Variants in NUP155 observed in about 807,000 individuals in gnomAD.
The protein encoded by NUP155 is nucleoporin 155, also known as nuclear pore complex protein Nup155.
A neutral mutation model predicts 180.4 loss-of-function variants in NUP155; 71 were observed. The observed-to-expected ratio is 0.39, with a 90% CI of 0.33 to 0.48. NUP155 has a LOEUF of 0.48. Among genes scored for constraint, NUP155 ranks in the 20% least tolerant of loss-of-function variants. The probability of loss-of-function intolerance (pLI) is 0.91; values close to 1 mark genes in which losing one functional copy is unlikely to be tolerated. For synonymous variants in NUP155, 582 were observed against 559.5 expected (o/e 1.04, Z -0.57); for missense variants, 1,553 against 1,648.9 (o/e 0.94, Z 1.01).
In NUP155 at chr5:37,323,977, CCT is replaced by C; in HGVS notation, c.2207+13_2207+14del. 1 of 1,436,652 alleles carries C rather than the reference CCT, an allele frequency of 7.0e-7. No individual in the cohort carries two copies. The highest frequency in any genetic ancestry group is 1.7e-5 in the Admixed American group (1 of 59,720). 89.0% of individuals were successfully genotyped at this position (1,436,652 alleles called of 1,614,324 possible). A position where few individuals can be genotyped will look rare whatever the true frequency, so the allele number is the denominator to read the frequency against. Reference sequence around the variant, plus strand: ...AAAAGAAAAAGATGAATTAATAAACCCTATTTATTCTTACTTTGGATTTCCTA... The same window carrying C: ...AAAAGAAAAAGATGAATTAATAAACCATTTATTCTTACTTTGGATTTCCTA... On this transcript the variant is annotated intron_variant, in intron 20 of 34. Transcript: ENST00000231498.
At chr5:37,339,447 G>A (rs1383934352) in intron 11 of NUP155, among the ~76,000 whole-genome samples, 3 of 152,104 alleles carry the variant, frequency 2.0e-5, no homozygotes, top group South Asian at 4.1e-4. Context: ...GGGAAACATG[G>A]TGAAACCCCG....
rs774380177 is a variant in NUP155, at chr5:37,310,632, C to T, written c.2548G>A (p.Ala850Thr). Residue 850 changes from alanine to threonine, a missense_variant, in exon 23 of 35, where the codon GCC becomes ACC. Physicochemically the swap from Ala to Thr is moderately conservative, Grantham distance 58. Coordinates refer to ENST00000231498, the MANE Select transcript of NUP155 (RefSeq NM_153485.3). ...TGTAAACTAATGCCATCAACAGCGG[C>T]ATTATCTCTGATGTAGCAGTTGATA... is the stretch of plus-strand genomic sequence containing the variant. ...SLINCYIRDN[A>T]AVDGISLHLQ... is the part of the protein sequence containing the mutation. 5.0e-6 allele frequency: 8 copies of T among 1,613,728 alleles called. No homozygotes were observed. The highest frequency in any genetic ancestry group is 5.9e-6 in the Non-Finnish European group (7 of 1,179,768).
In NUP155 at chr5:37,325,984, T is replaced by G. The variant is rs558065984; in HGVS notation, c.2025-17A>C. On this transcript the variant is annotated splice_polypyrimidine_tract_variant and intron_variant, in intron 18 of 34. Coordinates refer to ENST00000231498, the MANE Select transcript of NUP155 (RefSeq NM_153485.3). ...CAAATGTTTCTGGAAAAAAAAAAGT[T>G]TTAATGATTGTGCTGTAAATGAATA... is the stretch of plus-strand genomic sequence containing the variant. 5.1e-6 allele frequency: 8 copies of G among 1,560,210 alleles called. No individual in the cohort carries two copies. The Admixed American group carries it at 1.2e-4, about 23-fold the overall frequency.
In NUP155 at chr5:37,351,825, G is replaced by A. The variant is rs529278479; in HGVS notation, c.557-469C>T. On this transcript the variant is annotated intron_variant, in intron 5 of 34. Transcript: ENST00000231498. ...ATTTTAAAATTACTAAAAGAAGTCT[G>A]ATACAATTTGATAATTCAAGTTAAA... 8.5e-5 allele frequency among the ~76,000 whole-genome samples: 13 copies of A among 152,156 alleles called. No individual in the cohort carries two copies. The East Asian group carries it at 2.5e-3, about 29-fold the overall frequency.
At chr5:37,309,108 A>G in intron 24 of NUP155, 21 bp downstream of exon 24, 6 of 1,611,056 alleles carry the variant, frequency 3.7e-6, no homozygotes, top group Non-Finnish European at 4.2e-6. Context: ...TAAAAGATAC[A>G]AGAAACATTT....
At chr5:37,301,254 C>A in intron 30 of NUP155, 183 bp downstream of exon 30, 1 of 556,642 alleles carries the variant, frequency 1.8e-6, no homozygotes, top group Non-Finnish European at 3.2e-6. Flanking sequence ...AGTAGCTTAG[C>A]CTTTTTCTAG....
intron 12 of NUP155, among the ~76,000 whole-genome samples, chr5:37,337,120 C>G (rs1745381469): frequency 6.6e-6 from 1 of 152,228 alleles, no homozygotes; most frequent in African/African-American, 2.4e-5. Flanking sequence ...TCCTTATACA[C>G]TGGGGACTAG....
intron 1 of NUP155, among the ~76,000 whole-genome samples, chr5:37,369,306 G>A (rs217842): frequency 0.68 from 103,015 of 152,136 alleles, 39,336 homozygotes; most frequent in East Asian, 0.88. Flanking sequence ...GACTTTCACA[G>A]GGAGTCTGGA....
intron 1 of NUP155, among the ~76,000 whole-genome samples, chr5:37,364,989 C>T (rs535693711): frequency 6.6e-6 from 1 of 151,662 alleles, no homozygotes; most frequent in African/African-American, 2.4e-5. Flanking sequence ...AGTGGCTGGG[C>T]GCAGTGGCTC....
At chr5:37,351,413 T>A in intron 5 of NUP155, 57 bp from the exon 6 acceptor site, 1 of 1,235,828 alleles carries the variant, frequency 8.1e-7, no homozygotes, top group South Asian at 1.3e-5. Context: ...TTTTTAAAAA[T>A]CTTTGCATTA....
At chr5:37,346,920 A>G (rs1746127967) in intron 9 of NUP155, among the ~76,000 whole-genome samples, 1 of 151,976 alleles carries the variant, frequency 6.6e-6, no homozygotes, top group South Asian at 2.1e-4. Context: ...CTTGAACCAC[A>G]CATGTCTGTT....
rs373376199 is a variant in NUP155, at chr5:37,327,639, G to A, written c.2014C>T (p.Arg672Trp). ...TCATGACAAACTTACCCCATGATCC[G>A]AGAAAAGTAAATGCAAATACCATTG... is the stretch of plus-strand genomic sequence containing the variant. ...KHNGICIYFSRIMGNIWDASL... is the reference protein window; with the variant it reads ...KHNGICIYFSWIMGNIWDASL... Residue 672 changes from arginine (R) to tryptophan (W), a missense_variant, in exon 18 of 35, where the codon CGG becomes TGG. Coordinates refer to ENST00000231498, the MANE Select transcript of NUP155 (RefSeq NM_153485.3). 1.5e-5 allele frequency: 25 copies of A among 1,613,878 alleles called. No individual in the cohort carries two copies. Among genetic ancestry groups the A allele is most frequent in the Admixed American group, 1.3e-4 (8 of 59,994 alleles).
intron 20 of NUP155, among the ~76,000 whole-genome samples, chr5:37,319,113 A>T (rs998067353): frequency 6.6e-6 from 1 of 152,234 alleles, no homozygotes; most frequent in African/African-American, 2.4e-5. Context: ...ACACAGTATG[A>T]TTCTGTTTAT....
chr5:37,308,378 C>T (rs1304823386), intron 24 of NUP155, among the ~76,000 whole-genome samples: 18 of 151,800 alleles, frequency 1.2e-4, no homozygotes. Context: ...CATGGTAAAA[C>T]CCCACCTCTA....
Position 37,305,146 on chromosome 5 carries a change from G to A in NUP155, c.2968C>T (p.Pro990Ser). The A allele has an allele frequency of 2.5e-6, 4 of 1,613,852 alleles. No homozygotes were observed. The highest frequency in any genetic ancestry group is 2.7e-5 in the African/African-American group (2 of 75,036). Residue 990 changes from proline (P) to serine (S), a missense_variant, in exon 26 of 35, where the codon CCT becomes TCT. Coordinates refer to ENST00000231498, the MANE Select transcript of NUP155 (RefSeq NM_153485.3). The stretch of plus-strand genomic sequence containing the variant: ...TTTTTGGGTACACTGGGAGACTGAG[G>A]AGCGGCCTTACTTTGATTTACCAGT... ...QELVNQSKAA[P>S]QSPSVPKKPG...
At chr5:37,336,359 T>C (rs913130593) in intron 12 of NUP155, among the ~76,000 whole-genome samples, 1 of 151,778 alleles carries the variant, frequency 6.6e-6, no homozygotes, top group African/African-American at 2.4e-5. Flanking sequence ...TGCACACCTG[T>C]AGTCCCAGCC....
chr5:37,364,045 A>G lies in NUP155; in HGVS notation c.296-61T>C, dbSNP rs138085894. 668 of 1,343,028 alleles carry G rather than the reference A, an allele frequency of 5.0e-4. 4 individuals are homozygous for G. The East Asian group carries it at 0.014, about 29-fold the overall frequency. 83.2% of individuals were successfully genotyped at this position (1,343,028 alleles called of 1,614,324 possible). ...ATCTTATTCTTCTTTAACTTGTTTCAATAGCTTTTGACTTAATATTTACGT... is the reference window on the plus strand; with the variant it reads ...ATCTTATTCTTCTTTAACTTGTTTCGATAGCTTTTGACTTAATATTTACGT... On this transcript the variant is annotated intron_variant, in intron 2 of 34. Transcript: ENST00000231498.
At chr5:37,327,880 C>T in intron 17 of NUP155, 104 bp from the exon 18 acceptor site, 1 of 1,310,884 alleles carries the variant, frequency 7.6e-7, no homozygotes, top group Non-Finnish European at 1.1e-6. Flanking sequence ...TCTTAGAACC[C>T]ATAAAATTCA....
chr5:37,319,139 T>G (rs954064765), intron 20 of NUP155, among the ~76,000 whole-genome samples: 1 of 152,150 alleles, frequency 6.6e-6, no homozygotes, highest in African/African-American at 2.4e-5. Flanking sequence ...ATGTCAAGAA[T>G]AGGCACATCT....
Sources: allele counts gnomAD v4.1 joint callset (sites outside exome capture counted in the v4.1 genomes callset), GRCh38; gene constraint gnomAD v4.1.1; transcripts MANE v1.5; gene names NCBI Gene and HGNC (gene_info 2026-07-23, HGNC 2026-07-21).